SEC31B: variants seen among roughly 807,000 people sequenced by gnomAD.
SEC31B encodes protein transport protein Sec31B.
In SEC31B, 113 loss-of-function variants were observed where a neutral mutation model predicts 135.0. That is an observed-to-expected ratio of 0.84 (90% CI 0.72 to 0.98). SEC31B has a LOEUF of 0.98. SEC31B is among the 50% of genes least tolerant of loss of function. SEC31B has a pLI of 0.00. For missense variants in SEC31B, 1,296 were observed against 1,421.1 expected (o/e 0.91, Z 1.42); for synonymous variants, 508 against 549.4 (o/e 0.92, Z 1.05).
In SEC31B at chr10:100,516,133, C is replaced by G; in HGVS notation, c.166G>C (p.Asp56His). 1 of 1,614,028 alleles carries G rather than the reference C, an allele frequency of 6.2e-7. No homozygotes were observed. Among genetic ancestry groups the G allele is most frequent in the Non-Finnish European group, 8.5e-7 (1 of 1,179,976 alleles). The change falls in exon 3 of 26, where the codon GAC becomes CAC. Residue 56 changes from aspartate to histidine, a missense_variant. By Grantham distance (81) the Asp-to-His change is moderately conservative. Transcript: ENST00000370345. ...FEVDFRDPSL[D>H]LKHRGVLSAL... ...GAAAGGACTCCTCTGTGTTTCAAGT[C>G]CAGAGAAGGGTCCCTGAAATCAACC...
chr10:100,505,416 G>A lies in SEC31B; in HGVS notation c.1124C>T (p.Pro375Leu), dbSNP rs749213384. The A allele has an allele frequency of 4.4e-6, 7 of 1,608,250 alleles. No individual in the cohort carries two copies. The South Asian group carries it at 7.8e-5, about 18-fold the overall frequency. Residue 375 changes from proline to leucine, a missense_variant, in exon 10 of 26, where the codon CCT becomes CTT. Physicochemically the swap from Pro to Leu is moderately conservative, Grantham distance 98. Coordinates refer to ENST00000370345, the MANE Select transcript of SEC31B (RefSeq NM_015490.4). ...CCATTTGGGGGGTTTTTTCAGGGGA[G>A]GTATCAGTGGTGCTTGTGCCACTTG... is the stretch of plus-strand genomic sequence containing the variant. ...PEQVAQAPLI[P>L]PLKKPPKWIR...
intron 3 of SEC31B, among the ~76,000 whole-genome samples, chr10:100,511,604 T>G (rs1448616700): frequency 1.3e-5 from 2 of 152,224 alleles, no homozygotes; most frequent in African/African-American, 4.8e-5. Context: ...ACCCTATGTC[T>G]ATTTTTTTAA....
rs1851195995 is a variant in SEC31B at position 100,487,031 on chromosome 10, A to G, written c.*585T>C. On this transcript the variant is annotated 3_prime_UTR_variant, in exon 26 of 26. Coordinates refer to ENST00000370345, the MANE Select transcript of SEC31B (RefSeq NM_015490.4). ...ATAATGCCGGCAGATGAGAAATTCC[A>G]TTTTAACAGCGCCAAAGTTTCCTCT... 1 of 152,676 alleles carries G rather than the reference A, an allele frequency of 6.5e-6. No homozygotes were observed. Among genetic ancestry groups the G allele is most frequent in the Non-Finnish European group, 1.5e-5 (1 of 68,442 alleles). The allele number at this position is 152,676 out of a possible 1,614,324, so 9.5% of individuals were successfully genotyped here.
At chr10:100,519,356 A>C (rs765550491) in intron 1 of SEC31B, among the ~76,000 whole-genome samples, 1 of 152,216 alleles carries the variant, frequency 6.6e-6, no homozygotes, top group Non-Finnish European at 1.5e-5. Context: ...GGCACCAGCT[A>C]CCCTTGGCAG....
chr10:100,516,344 TC>T, intron 2 of SEC31B, 125 bp from the exon 3 acceptor site: 1 of 1,177,718 alleles, frequency 8.5e-7, no homozygotes, highest in Non-Finnish European at 1.2e-6. Context: ...CAAAGGTAAC[TC>T]CACAAAAGCA....
In SEC31B at chr10:100,490,883, C is replaced by A; in HGVS notation, c.2473G>T (p.Val825Phe). 1.4e-6 allele frequency: 2 copies of A among 1,434,446 alleles called. No homozygotes were observed. Among genetic ancestry groups the A allele is most frequent in the Admixed American group, 2.3e-5 (1 of 44,188 alleles). The allele number at this position is 1,434,446 out of a possible 1,614,324, so 88.9% of individuals were successfully genotyped here. ...CTTGGCCTTGGAGATGGAGTTGGGA[C>A]CTATGAAGAGAAAAAAACATCAGCT... is the stretch of plus-strand genomic sequence containing the variant. ...YRLGSQPSHQVPTPSPRPRVF... is the reference protein window; with the variant it reads ...YRLGSQPSHQFPTPSPRPRVF... Residue 825 changes from valine (V) to phenylalanine (F), a missense_variant and splice_region_variant, in exon 20 of 26, where the codon GTC becomes TTC. Val to Phe is a conservative substitution (Grantham distance 50). Coordinates refer to ENST00000370345, the MANE Select transcript of SEC31B (RefSeq NM_015490.4).
rs183786991 is a variant in SEC31B, at chr10:100,497,586, C to T, written c.1990+81G>A. The T allele has an allele frequency of 6.9e-6, 11 of 1,604,664 alleles. No homozygotes were observed. The African/African-American group carries it at 1.2e-4, about 18-fold the overall frequency. The stretch of plus-strand genomic sequence containing the variant: ...TCGCCTCCCACAGCTCAGTCTGCTC[C>T]TCCACCTCCCTCCTGCATGCATCCT... On this transcript the variant is annotated intron_variant, in intron 16 of 25. Coordinates refer to ENST00000370345, the MANE Select transcript of SEC31B (RefSeq NM_015490.4).
At chr10:100,502,153 T>C (rs1851535842) in intron 11 of SEC31B, 101 bp downstream of exon 11, 1 of 857,412 alleles carries the variant, frequency 1.2e-6, no homozygotes, top group African/African-American at 1.7e-5. Flanking sequence ...GCCTCTGTGA[T>C]CTGGGTCCCA....
At chr10:100,492,682 A>G (rs1851322930) in intron 19 of SEC31B, among the ~76,000 whole-genome samples, 1 of 152,246 alleles carries the variant, frequency 6.6e-6, no homozygotes, top group African/African-American at 2.4e-5. Context: ...TGGAATCCAC[A>G]AAAAACTTCT....
rs768481561 is a variant in SEC31B at position 100,505,705 on chromosome 10, G to A, written c.1045-210C>T. The stretch of plus-strand genomic sequence containing the variant: ...TCTTGGAAAGACTACTACATTCAAA[G>A]TCTACAATGGAGTGTGGCACAAAAT... On this transcript the variant is annotated intron_variant, in intron 9 of 25. Transcript: ENST00000370345. 178 of 1,414,850 alleles carry A rather than the reference G, an allele frequency of 1.3e-4. 1 individual carries two copies. In the Middle Eastern group the frequency reaches 1.8e-3, roughly 15 times the overall value. 87.6% of individuals were successfully genotyped at this position (1,414,850 alleles called of 1,614,324 possible). A position where few individuals can be genotyped will look rare whatever the true frequency, so the allele number is the denominator to read the frequency against.
chr10:100,493,384 A>C (rs1851341398), intron 19 of SEC31B, among the ~76,000 whole-genome samples: 1 of 152,056 alleles, frequency 6.6e-6, no homozygotes, highest in African/African-American at 2.4e-5. Flanking sequence ...AAAAAAAAAA[A>C]AATTAAAACC....
chr10:100,489,112 T>G, intron 23 of SEC31B, 138 bp from the exon 24 acceptor site: 1 of 1,446,356 alleles, frequency 6.9e-7, no homozygotes, highest in Non-Finnish European at 9.2e-7. Context: ...AGCCTCCCTT[T>G]CTCTGCAGTA....
chr10:100,488,645 A>G (rs11819191), intron 24 of SEC31B, among the ~76,000 whole-genome samples: 3,175 of 152,066 alleles, frequency 0.021, 124 homozygotes, highest in African/African-American at 0.072. Flanking sequence ...TTAGGTCTCA[A>G]TGCTGCTGGG....
In SEC31B at chr10:100,509,328, C is replaced by A. The variant is rs3793706; in HGVS notation, c.387G>T (p.Leu129Phe). The change falls in exon 4 of 26, where the codon TTG (leucine) becomes TTT (phenylalanine). Residue 129 changes from leucine to phenylalanine, a missense_variant. By Grantham distance (22) the Leu-to-Phe change is conservative. Transcript: ENST00000370345. ...TGAAATGTAGTACCTGGAAAGGATTCAAGTCGAGGGCTCTGACAGCCCCCG... is the reference window on the plus strand; with the variant it reads ...TGAAATGTAGTACCTGGAAAGGATTAAAGTCGAGGGCTCTGACAGCCCCCG... Reference protein sequence around the residue: ...KHTGAVRALDLNPFQGNLLAS... With the variant: ...KHTGAVRALDFNPFQGNLLAS... The A allele has an allele frequency of 0.22, 351,665 of 1,612,694 alleles. 39,189 individuals carry two copies. The highest frequency in any genetic ancestry group is 0.24 in the African/African-American group (18,225 of 74,888).
intron 3 of SEC31B, among the ~76,000 whole-genome samples, chr10:100,514,792 T>A (rs1377678142): frequency 6.6e-6 from 1 of 151,750 alleles, no homozygotes; most frequent in South Asian, 2.1e-4. Context: ...ATAAAAAAAA[T>A]TAACAGAAAT....
intron 12 of SEC31B, 43 bp downstream of exon 12, chr10:100,499,481 T>C (rs553620676): frequency 1.3e-6 from 2 of 1,491,926 alleles, no homozygotes; most frequent in South Asian, 2.4e-5. Flanking sequence ...ATTCTCTTCT[T>C]CTCTTCAACA....
intron 3 of SEC31B, 60 bp downstream of exon 3, chr10:100,516,036 T>A: frequency 6.3e-7 from 1 of 1,581,104 alleles, no homozygotes; most frequent in South Asian, 1.2e-5. Context: ...AAACACACAC[T>A]GCTCCCAGGA....
At chr10:100,498,298 T>C (rs1851452435) in intron 14 of SEC31B, 91 bp from the exon 15 acceptor site, 1 of 1,190,140 alleles carries the variant, frequency 8.4e-7, no homozygotes, top group Non-Finnish European at 1.2e-6. Context: ...TCTATATCTC[T>C]ATATCACTCA....
intron 23 of SEC31B, 130 bp downstream of exon 23, chr10:100,489,122 A>G: frequency 6.9e-7 from 1 of 1,447,762 alleles, no homozygotes; most frequent in Non-Finnish European, 9.2e-7. Context: ...TCTCTGCAGT[A>G]AGGACACCTG....
Sources: gnomAD v4.1 joint callset for allele counts (sites outside exome capture counted in the v4.1 genomes callset) on GRCh38, gnomAD v4.1.1 for gene constraint, MANE v1.5 for transcripts, NCBI Gene and HGNC (gene_info 2026-07-23, HGNC 2026-07-21) for gene names.